The following WWOX variants were observed in gnomAD, a reference collection of about 807,000 sequenced individuals.
WWOX encodes WW domain-containing oxidoreductase.
A neutral mutation model predicts 46.2 loss-of-function variants in WWOX; 69 were observed. The observed-to-expected ratio is 1.49, with a 90% CI of 1.23 to 1.82. The LOEUF is 1.82. Among genes scored for constraint, WWOX ranks in the 40% most tolerant of loss-of-function variants. WWOX has a pLI of 0.00. For synonymous variants in WWOX, 359 were observed against 202.6 expected (o/e 1.77, Z -6.56); for missense variants, 919 against 542.6 (o/e 1.69, Z -6.89).
At chr16:78,455,736 G>A (rs2083801965) in intron 8 of WWOX, among the ~76,000 whole-genome samples, 1 of 145,052 alleles carries the variant, frequency 6.9e-6, no homozygotes, top group Admixed American at 7.0e-5. Context: ...CAATATTATA[G>A]CAAAGGTTCA....
intron 8 of WWOX, among the ~76,000 whole-genome samples, chr16:78,733,612 G>A (rs577334319): frequency 1.3e-5 from 2 of 151,548 alleles, no homozygotes; most frequent in African/African-American, 4.8e-5. Flanking sequence ...AAAATTAGCC[G>A]GGTATGGTGG....
At chr16:78,325,517 C>T (rs766742050) in intron 5 of WWOX, among the ~76,000 whole-genome samples, 2 of 152,158 alleles carry the variant, frequency 1.3e-5, no homozygotes, top group African/African-American at 4.8e-5. Context: ...GGCAAAGTTA[C>T]CACCGTGATG....
chr16:79,134,381 G>A (rs999611422), intron 8 of WWOX, among the ~76,000 whole-genome samples: 1 of 152,140 alleles, frequency 6.6e-6, no homozygotes, highest in African/African-American at 2.4e-5. Flanking sequence ...GCAACAGGCA[G>A]CCCAGCATGG....
At chr16:78,460,348 A>T (rs2083921004) in intron 8 of WWOX, among the ~76,000 whole-genome samples, 1 of 151,902 alleles carries the variant, frequency 6.6e-6, no homozygotes, top group Non-Finnish European at 1.5e-5. Context: ...GGTTGTTCTC[A>T]AACTACTGAC....
At chr16:79,159,500 C>T (rs574627286) in intron 8 of WWOX, among the ~76,000 whole-genome samples, 7 of 152,040 alleles carry the variant, frequency 4.6e-5, no homozygotes, top group Non-Finnish European at 7.4e-5. Context: ...GTTGTTATAC[C>T]ACTGATTATA....
At chr16:78,224,874 G>A (rs2037000017) in intron 5 of WWOX, among the ~76,000 whole-genome samples, 1 of 152,058 alleles carries the variant, frequency 6.6e-6, no homozygotes, top group African/African-American at 2.4e-5. Context: ...ATTTTTTATT[G>A]ATGTGTTAAC....
intron 8 of WWOX, among the ~76,000 whole-genome samples, chr16:78,663,710 A>T (rs1446565932): frequency 1.3e-5 from 2 of 151,976 alleles, no homozygotes; most frequent in African/African-American, 4.8e-5. Context: ...TAGGGAAAGA[A>T]AACAGATAGT....
intron 8 of WWOX, among the ~76,000 whole-genome samples, chr16:78,909,309 A>C (rs1280700088): frequency 6.6e-6 from 1 of 152,136 alleles, no homozygotes; most frequent in Non-Finnish European, 1.5e-5. Context: ...GCCAAGGGGG[A>C]AAGAATTTTA....
chr16:78,938,385 A>G lies in WWOX; in HGVS notation c.1057-273223A>G, dbSNP rs549198162. Among the ~76,000 whole-genome samples, 41 of 152,148 alleles carry G rather than the reference A, an allele frequency of 2.7e-4. 1 individual carries two copies. The highest frequency in any genetic ancestry group is 9.4e-4 in the African/African-American group (39 of 41,508). On this transcript the variant is annotated intron_variant, in intron 8 of 8. Coordinates refer to ENST00000566780, the MANE Select transcript of WWOX (RefSeq NM_016373.4). ...TGACAGTGTTTCCTGGGATGGTGAT[A>G]TTTATCAAGTGCAGAGGCCCAGACA...
intron 8 of WWOX, among the ~76,000 whole-genome samples, chr16:78,820,760 C>A (rs895866683): frequency 1.3e-5 from 2 of 152,030 alleles, no homozygotes; most frequent in African/African-American, 4.8e-5. Flanking sequence ...TTTTGGTGGC[C>A]GGAAGTCCAA....
intron 8 of WWOX, among the ~76,000 whole-genome samples, chr16:78,728,033 C>A (rs1226738101): frequency 6.9e-6 from 1 of 144,798 alleles, no homozygotes; most frequent in East Asian, 2.1e-4. Flanking sequence ...AACTCCCTTC[C>A]TCTTTCCTCT....
intron 8 of WWOX, among the ~76,000 whole-genome samples, chr16:78,545,870 C>A (rs1471553204): frequency 6.6e-6 from 1 of 152,156 alleles, no homozygotes; most frequent in African/African-American, 2.4e-5. Flanking sequence ...CCTGGTGTCT[C>A]TTCCTCCTCT....
chr16:78,355,684 C>A (rs1393492211), intron 5 of WWOX: 1 of 733,988 alleles, frequency 1.4e-6, no homozygotes, highest in Admixed American at 1.9e-5. Context: ...TAAATATGAT[C>A]TTGGGAGACG....
chr16:78,103,252 T>TG (rs1216717484), intron 1 of WWOX, among the ~76,000 whole-genome samples: 24 of 149,872 alleles, frequency 1.6e-4, no homozygotes, highest in Admixed American at 1.1e-3. Context: ...GTTTTTTTTT[T>TG]TTTTTTTTTT....
intron 5 of WWOX, among the ~76,000 whole-genome samples, chr16:78,274,638 C>G (rs779437688): frequency 6.6e-6 from 1 of 152,158 alleles, no homozygotes; most frequent in Non-Finnish European, 1.5e-5. Context: ...GTCCCTATGT[C>G]TTAGAGACAG....
chr16:78,953,315 A>G (rs1408989479), intron 8 of WWOX, among the ~76,000 whole-genome samples: 8 of 152,018 alleles, frequency 5.3e-5, no homozygotes, highest in Admixed American at 4.6e-4. Flanking sequence ...GGTGGGGGGC[A>G]TGTTTAACCT....
intron 5 of WWOX, among the ~76,000 whole-genome samples, chr16:78,199,599 G>A (rs190264852): frequency 3.3e-5 from 5 of 152,144 alleles, no homozygotes; most frequent in East Asian, 1.9e-4. Flanking sequence ...CATGCCATTC[G>A]CTCACTAGCA....
At chr16:78,566,333 CACTT>C in intron 8 of WWOX, among the ~76,000 whole-genome samples, 1 of 152,308 alleles carries the variant, frequency 6.6e-6, no homozygotes, top group East Asian at 1.9e-4. Context: ...ACAACTATCT[CACTT>C]ACCTCTCTAC....
At chr16:78,274,923 A>G (rs4641752) in intron 5 of WWOX, among the ~76,000 whole-genome samples, 11,867 of 152,256 alleles carry the variant, frequency 0.078, 537 homozygotes, top group Middle Eastern at 0.19. Flanking sequence ...CAACAGTGGT[A>G]AGAGAGCCTT....
Sources: allele counts gnomAD v4.1 joint callset (sites outside exome capture counted in the v4.1 genomes callset), GRCh38; gene constraint gnomAD v4.1.1; transcripts MANE v1.5; gene names NCBI Gene and HGNC (gene_info 2026-07-23, HGNC 2026-07-21).